CACNA1C: variants seen among roughly 807,000 people sequenced by gnomAD.
CACNA1C encodes the protein voltage-dependent L-type calcium channel subunit alpha-1C.
In CACNA1C, 30 loss-of-function variants were observed where a neutral mutation model predicts 229.0. The observed-to-expected ratio is 0.13, with a 90% CI of 0.10 to 0.18. CACNA1C has a LOEUF of 0.18. CACNA1C is among the 10% of genes least tolerant of loss of function. CACNA1C has a pLI of 1.00. For synonymous variants in CACNA1C, 1,114 were observed against 1,132.5 expected, an observed-to-expected ratio of 0.98 and a Z score of 0.33; for missense variants, 1,658 against 2,845.0, an observed-to-expected ratio of 0.58 and a Z score of 9.49.
chr12:2,498,944 A>C lies in CACNA1C; in HGVS notation c.1113+5558A>C, dbSNP rs530295420. Among the ~76,000 whole-genome samples, 3 of 152,310 alleles carry C rather than the reference A, an allele frequency of 2.0e-5. No individual in the cohort carries two copies. In the East Asian group the frequency reaches 5.8e-4, roughly 29 times the overall value. ...TCAGCACATGAGTCCATCTGATTCCAGGGAGTTTGAAATGCATGGAGGAGC... is the reference window on the plus strand; with the variant it reads ...TCAGCACATGAGTCCATCTGATTCCCGGGAGTTTGAAATGCATGGAGGAGC... On this transcript the variant is annotated intron_variant, in intron 7 of 46. Coordinates refer to ENST00000399655, the MANE Select transcript of CACNA1C (RefSeq NM_000719.7).
chr12:2,059,399 C>T (rs1043004670), intron 1 of CACNA1C, among the ~76,000 whole-genome samples: 2 of 151,530 alleles, frequency 1.3e-5, no homozygotes, highest in African/African-American at 4.9e-5. Context: ...GGAGTCGGAC[C>T]GAGGTTGAAA....
At chr12:2,068,308 C>T (rs1241022844) in intron 1 of CACNA1C, among the ~76,000 whole-genome samples, 1 of 152,172 alleles carries the variant, frequency 6.6e-6, no homozygotes, top group Admixed American at 6.5e-5. Flanking sequence ...GTCCCTGTCA[C>T]ATATGCAGAG....
At chr12:2,562,861 T>C (rs1423229257) in intron 11 of CACNA1C, among the ~76,000 whole-genome samples, 1 of 152,272 alleles carries the variant, frequency 6.6e-6, no homozygotes, top group Non-Finnish European at 1.5e-5. Flanking sequence ...CAAGCACTTA[T>C]CATTTCTTTG....
intron 6 of CACNA1C, among the ~76,000 whole-genome samples, chr12:2,489,216 A>G (rs528184870): frequency 2.0e-5 from 3 of 152,128 alleles, no homozygotes; most frequent in Non-Finnish European, 4.4e-5. Flanking sequence ...GTAATTTTTG[A>G]TGAGATTTAC....
intron 13 of CACNA1C, among the ~76,000 whole-genome samples, chr12:2,580,947 G>A (rs910530713): frequency 6.6e-6 from 1 of 152,216 alleles, no homozygotes; most frequent in African/African-American, 2.4e-5. Context: ...ACAATCTCAA[G>A]AGGAAAGGCC....
intron 1 of CACNA1C, among the ~76,000 whole-genome samples, chr12:2,017,660 G>T (rs201676209): frequency 3.5e-5 from 5 of 144,508 alleles, no homozygotes; most frequent in Admixed American, 6.9e-5. Context: ...TCTTTTTTCT[G>T]TTTTTTTTTT....
chr12:2,383,227 G>T (rs1357350370), intron 3 of CACNA1C, among the ~76,000 whole-genome samples: 3 of 152,164 alleles, frequency 2.0e-5, no homozygotes, highest in Non-Finnish European at 4.4e-5. Context: ...CATTTGGAAG[G>T]CTCAGGAAAA....
At chr12:2,642,243 CTG>C (rs2093796057) in intron 30 of CACNA1C, among the ~76,000 whole-genome samples, 1 of 152,204 alleles carries the variant, frequency 6.6e-6, no homozygotes, top group Non-Finnish European at 1.5e-5. Context: ...CTGCCCCAAA[CTG>C]TGTCACTTTT....
intron 3 of CACNA1C, among the ~76,000 whole-genome samples, chr12:2,337,622 T>A (rs377114591): frequency 6.6e-6 from 1 of 152,278 alleles, no homozygotes. Flanking sequence ...GACAAAATAC[T>A]GTCTCAGCCC....
intron 3 of CACNA1C, among the ~76,000 whole-genome samples, chr12:2,243,895 A>T (rs1192314735): frequency 2.0e-5 from 3 of 152,202 alleles, no homozygotes; most frequent in Non-Finnish European, 4.4e-5. Context: ...TTGAGGTTTT[A>T]TTAAGATAAT....
intron 1 of CACNA1C, among the ~76,000 whole-genome samples, chr12:2,041,270 C>CTTTTT (rs58922699): frequency 0.039 from 3,507 of 90,826 alleles, 286 homozygotes; most frequent in East Asian, 0.049. Context: ...TAAGGGTATT[C>CTTTTT]TTTTTTTTTT....
At chr12:2,276,940 A>G (rs1255939521) in intron 3 of CACNA1C, among the ~76,000 whole-genome samples, 1 of 151,966 alleles carries the variant, frequency 6.6e-6, no homozygotes, top group Non-Finnish European at 1.5e-5. Flanking sequence ...AACTCTAGCT[A>G]CTCCATAAAA....
In CACNA1C at chr12:2,510,965, A is replaced by G. The variant is rs1294820595; in HGVS notation, c.1218-1847A>G. ...GGAGGAGAGGGGATGGCATCTCTCT[A>G]TGATCATCCCCAGAAGGGAAGGAGC... On this transcript the variant is annotated intron_variant, in intron 8 of 46. Coordinates refer to ENST00000399655, the MANE Select transcript of CACNA1C (RefSeq NM_000719.7). Among the ~76,000 whole-genome samples, 4 of 152,188 alleles carry G rather than the reference A, an allele frequency of 2.6e-5. No individual in the cohort carries two copies. The East Asian group carries it at 5.8e-4, about 22-fold the overall frequency.
intron 1 of CACNA1C, among the ~76,000 whole-genome samples, chr12:2,002,865 T>C (rs1463208500): frequency 6.6e-6 from 1 of 152,172 alleles, no homozygotes; most frequent in Admixed American, 6.5e-5. Flanking sequence ...TGTTGCTCAA[T>C]GTTCTTTATG....
intron 10 of CACNA1C, among the ~76,000 whole-genome samples, chr12:2,553,528 A>T (rs10744564): frequency 0.89 from 135,223 of 152,262 alleles, 60,571 homozygotes; most frequent in Non-Finnish European, 0.95. Flanking sequence ...GAGGATGCTC[A>T]AAGGTTGCTG....
In CACNA1C at chr12:2,346,925, C is replaced by G. The variant is rs186736212; in HGVS notation, c.478-102051C>G. On this transcript the variant is annotated intron_variant, in intron 3 of 46. Coordinates refer to ENST00000399655, the MANE Select transcript of CACNA1C (RefSeq NM_000719.7). This position sits in a 1 kb window ranked among gnomAD's most constrained non-coding sequence, Gnocchi z 4.4. ...CCTCTGCATTTTTGCTGGTGTCTCC[C>G]TCTTCTCAGAATGCTAGTCCTTTGT... Among the ~76,000 whole-genome samples, 432 of 152,300 alleles carry G rather than the reference C, an allele frequency of 2.8e-3. 3 individuals carry two copies. The highest frequency in any genetic ancestry group is 9.8e-3 in the African/African-American group (407 of 41,562).
intron 3 of CACNA1C, among the ~76,000 whole-genome samples, chr12:2,207,053 G>T (rs573328688): frequency 2.0e-5 from 3 of 152,164 alleles, no homozygotes. Context: ...TGTAGAGCCC[G>T]TCGAGTGTCA....
At chr12:2,226,888 G>C (rs1226671146) in intron 3 of CACNA1C, among the ~76,000 whole-genome samples, 1 of 152,226 alleles carries the variant, frequency 6.6e-6, no homozygotes, top group African/African-American at 2.4e-5. Flanking sequence ...AATGCGCTGG[G>C]CAGGCAATAA....
intron 3 of CACNA1C, among the ~76,000 whole-genome samples, chr12:2,189,213 A>G (rs1271409936): frequency 6.6e-6 from 1 of 151,566 alleles, no homozygotes; most frequent in South Asian, 2.1e-4. Context: ...TGCCTGGGTT[A>G]GCACCATTGT....
Sources: allele counts gnomAD v4.1 joint callset (sites outside exome capture counted in the v4.1 genomes callset), GRCh38; gene constraint gnomAD v4.1.1; non-coding constraint Gnocchi (gnomAD v3.1); transcripts MANE v1.5; gene names NCBI Gene and HGNC (gene_info 2026-07-23, HGNC 2026-07-21).